Variants in TNKS1BP1 observed in about 807,000 individuals in gnomAD.
The protein encoded by TNKS1BP1 is 182 kDa tankyrase-1-binding protein.
A neutral mutation model predicts 141.1 loss-of-function variants in TNKS1BP1; 48 were observed. That is an observed-to-expected ratio of 0.34 (90% CI 0.27 to 0.43). The LOEUF (loss-of-function observed/expected upper bound fraction) is 0.43. TNKS1BP1 is among the 20% of genes least tolerant of loss of function. The probability of loss-of-function intolerance (pLI) is 1.00; values close to 1 mark genes in which losing one functional copy is unlikely to be tolerated. For synonymous variants in TNKS1BP1, 875 were observed against 898.2 expected, an observed-to-expected ratio of 0.97 and a Z score of 0.46; for missense variants, 2,149 against 2,226.0, an observed-to-expected ratio of 0.97 and a Z score of 0.70.
chr11:57,312,783 A>T lies in TNKS1BP1; in HGVS notation c.1905T>A (p.Ala635=), dbSNP rs746556744. 1.9e-6 allele frequency: 3 copies of T among 1,609,596 alleles called. No homozygotes were observed. The change falls in exon 5 of 12, where the codon GCT becomes GCA. Residue 635 remains alanine (A), a synonymous_variant. Coordinates refer to ENST00000358252, the MANE Select transcript of TNKS1BP1 (RefSeq NM_033396.3). ...GTGCCTGTCCAGGCTCAGGGGCATC[A>T]GCAAAGAGAACACAGGGCTGGTCAG... ...AAPDQPCVLF[A]DAPEPGQALP... is the part of the protein sequence containing the mutation.
chr11:57,321,093 C>G (rs918894314), intron 2 of TNKS1BP1, among the ~76,000 whole-genome samples: 6 of 152,014 alleles, frequency 3.9e-5, no homozygotes, highest in Admixed American at 3.3e-4. Flanking sequence ...AGCAGTCAGC[C>G]CCCCCATATT....
chr11:57,324,661 C>T (rs1161537983), intron 1 of TNKS1BP1, among the ~76,000 whole-genome samples, 179 bp downstream of exon 1: 2 of 151,822 alleles, frequency 1.3e-5, no homozygotes, highest in Admixed American at 1.3e-4. Context: ...GCGCCACCTT[C>T]CCCCGGGCCT....
chr11:57,303,311 C>A (rs34505638), intron 6 of TNKS1BP1: 5,462 of 153,854 alleles, frequency 0.036, 152 homozygotes, highest in Non-Finnish European at 0.047. Flanking sequence ...CGTTATGCCT[C>A]TTCATTCCCC....
intron 6 of TNKS1BP1, among the ~76,000 whole-genome samples, chr11:57,305,493 T>C (rs985336468): frequency 6.6e-6 from 1 of 152,060 alleles, no homozygotes; most frequent in African/African-American, 2.4e-5. Context: ...CCTCCACCAC[T>C]GCTCCAGAGG....
At chr11:57,306,285 C>CAAA (rs1554961714) in intron 6 of TNKS1BP1, among the ~76,000 whole-genome samples, 10 of 122,438 alleles carry the variant, frequency 8.2e-5, no homozygotes, top group Non-Finnish European at 1.1e-4. Flanking sequence ...GACTCCGTTT[C>CAAA]AAAAAAAAAA....
chr11:57,302,867 C>A lies in TNKS1BP1; in HGVS notation c.4317-42G>T. On this transcript the variant is annotated intron_variant, in intron 6 of 11. Transcript: ENST00000358252. The surrounding 1 kb of genome is among the most constrained non-coding windows in gnomAD (Gnocchi z 5.5). ...GAGAGAACGAGATCATCGTAAGGCC[C>A]CATCTCCCTGCCCTGAAGCCTACTT... The A allele has an allele frequency of 6.8e-7, 1 of 1,475,414 alleles. No homozygotes were observed. Among genetic ancestry groups the A allele is most frequent in the East Asian group, 2.3e-5 (1 of 42,906 alleles). 91.4% of individuals were successfully genotyped at this position (1,475,414 alleles called of 1,614,324 possible).
intron 3 of TNKS1BP1, among the ~76,000 whole-genome samples, chr11:57,318,980 T>G (rs1031594394): frequency 7.2e-5 from 11 of 151,854 alleles, no homozygotes; most frequent in Admixed American, 7.2e-4. Flanking sequence ...CCATCTCTAC[T>G]AAAAATACAA....
chr11:57,313,686 C>T lies in TNKS1BP1; in HGVS notation c.1002G>A (p.Val334=). Residue 334 remains valine, a synonymous_variant, in exon 5 of 12, where the codon GTG becomes GTA. Coordinates refer to ENST00000358252, the MANE Select transcript of TNKS1BP1 (RefSeq NM_033396.3). Reference sequence around the variant, plus strand: ...GGGCTGCACTTGGAGCTGATGGAGTCACAGCGGGGCAGGGAGAAGCCTGGG... The same window carrying T: ...GGGCTGCACTTGGAGCTGATGGAGTTACAGCGGGGCAGGGAGAAGCCTGGG... ...EASQASPCPA[V]TPSAPSAALP... is the part of the protein sequence containing the mutation. 3.2e-6 allele frequency: 5 copies of T among 1,573,606 alleles called. No homozygotes were observed. The highest frequency in any genetic ancestry group is 3.5e-6 in the Non-Finnish European group (4 of 1,159,140).
rs1052217287 is a variant in TNKS1BP1 at position 57,321,873 on chromosome 11, T to G, written c.13A>C (p.Thr5Pro). 1.2e-6 allele frequency: 2 copies of G among 1,613,052 alleles called. No homozygotes were observed. The highest frequency in any genetic ancestry group is 1.7e-6 in the Non-Finnish European group (2 of 1,179,836). MKVS[T>P]LRESSAMASP... ...GCCATGGCTGAGCTTTCCCTGAGAG[T>G]AGACACTTTCATCACATGCGGCAGA... The change falls in exon 2 of 12, where the codon ACT (threonine) becomes CCT (proline). Residue 5 changes from threonine (T) to proline (P), a missense_variant. Thr to Pro is a conservative substitution (Grantham distance 38). Transcript: ENST00000358252.
At chr11:57,306,016 G>A (rs1032976520) in intron 6 of TNKS1BP1, among the ~76,000 whole-genome samples, 1 of 151,816 alleles carries the variant, frequency 6.6e-6, no homozygotes, top group Non-Finnish European at 1.5e-5. Flanking sequence ...GCTCATGCCT[G>A]TAATCCCAGC....
intron 1 of TNKS1BP1, among the ~76,000 whole-genome samples, chr11:57,324,185 G>A (rs1248079024): frequency 1.3e-5 from 2 of 152,208 alleles, no homozygotes; most frequent in African/African-American, 4.8e-5. Flanking sequence ...TGGACCCCAG[G>A]ATCTCCAGCC....
Position 57,317,874 on chromosome 11 carries a change from C to T in TNKS1BP1, c.742G>A (p.Asp248Asn), listed in dbSNP as rs139478609. 3.2e-4 allele frequency: 516 copies of T among 1,613,708 alleles called. No individual in the cohort carries two copies. The highest frequency in any genetic ancestry group is 1.2e-4 in the Non-Finnish European group (140 of 1,179,822). Reference sequence around the variant, plus strand: ...GCCAGGTCCCCGTTGAAGGCCAGGTCGGAAGGAAGGCTCCTGTGAGGGACG... The same window carrying T: ...GCCAGGTCCCCGTTGAAGGCCAGGTTGGAAGGAAGGCTCCTGTGAGGGACG... ...KTPEERSLPS[D>N]LAFNGDLAKA... The change falls in exon 4 of 12, where the codon GAC (aspartate) becomes AAC (asparagine). Residue 248 changes from aspartate (D) to asparagine (N), a missense_variant. Asp to Asn is a conservative substitution (Grantham distance 23). Transcript: ENST00000358252.
intron 1 of TNKS1BP1, among the ~76,000 whole-genome samples, chr11:57,324,557 C>G (rs1278176322): frequency 6.7e-6 from 1 of 150,338 alleles, no homozygotes; most frequent in Non-Finnish European, 1.5e-5. Context: ...TCTGCCCGCC[C>G]CCGGCCCCGC....
At position 57,302,335 on chromosome 11, in the gene TNKS1BP1, A is replaced by G; in HGVS notation, c.4684-111T>C. On this transcript the variant is annotated intron_variant, in intron 7 of 11. Coordinates refer to ENST00000358252, the MANE Select transcript of TNKS1BP1 (RefSeq NM_033396.3). This position sits in a 1 kb window ranked among gnomAD's most constrained non-coding sequence, Gnocchi z 5.5. ...CTCCTGCAGCCGGAGCTTCACGTTC[A>G]CGTGACGCACCTACAACCCGCTTTC... 6 of 1,537,574 alleles carry G rather than the reference A, an allele frequency of 3.9e-6. No individual in the cohort carries two copies. The highest frequency in any genetic ancestry group is 5.3e-6 in the Non-Finnish European group (6 of 1,140,714).
intron 11 of TNKS1BP1, 97 bp from the exon 12 acceptor site, chr11:57,300,178 T>C: frequency 4.1e-6 from 1 of 241,010 alleles, no homozygotes; most frequent in East Asian, 9.9e-5. Context: ...CAGCTAAGCC[T>C]GGTCATGGAG....
At position 57,309,380 on chromosome 11, in the gene TNKS1BP1, G is replaced by A. The variant is rs771735369; in HGVS notation, c.3331C>T (p.Arg1111Trp). 7.4e-6 allele frequency: 12 copies of A among 1,614,000 alleles called. No individual in the cohort carries two copies. In the African/African-American group the frequency reaches 1.1e-4, roughly 14 times the overall value. Residue 1111 changes from arginine (R) to tryptophan (W), a missense_variant, in exon 6 of 12, where the codon CGG becomes TGG. Physicochemically the swap from Arg to Trp is moderately radical, Grantham distance 101. Coordinates refer to ENST00000358252, the MANE Select transcript of TNKS1BP1 (RefSeq NM_033396.3). This position sits in a 1 kb window ranked among gnomAD's most constrained non-coding sequence, Gnocchi z 4.3. ...AFSPGQQDWS[R>W]DFCIEASERS... ...TCACTGGCCTCGATGCAGAAGTCCC[G>A]GCTCCAGTCCTGCTGCCCTGGGCTA...
rs141111089 is a variant in TNKS1BP1, at chr11:57,320,967, C to T, written c.95-255G>A. On this transcript the variant is annotated intron_variant, in intron 2 of 11. Coordinates refer to ENST00000358252, the MANE Select transcript of TNKS1BP1 (RefSeq NM_033396.3). ...TTTTAAGCTGAAGCTATTTAAGGAC[C>T]CACCTGGCACCTTACTTCTTCCTGT... 1.9e-3 allele frequency among the ~76,000 whole-genome samples: 287 copies of T among 152,284 alleles called. 1 individual carries two copies. The highest frequency in any genetic ancestry group is 8.5e-3 in the South Asian group (41 of 4,820).
At chr11:57,320,879 A>G (rs80134947) in intron 2 of TNKS1BP1, among the ~76,000 whole-genome samples, 167 bp from the exon 3 acceptor site, 2,781 of 152,268 alleles carry the variant, frequency 0.018, 40 homozygotes, top group Non-Finnish European at 0.029. Flanking sequence ...TTGATTTTCT[A>G]CACACATCCC....
Position 57,310,024 on chromosome 11 carries a change from G to T in TNKS1BP1, c.2687C>A (p.Ala896Asp), listed in dbSNP as rs1855680253. ...WEFGKRDSLG[A>D]YASQDANEQG... ...CTCGTTGGCATCTTGGCTGGCATAA[G>T]CACCCAGAGAATCTCTCTTCCCAAA... The change falls in exon 6 of 12, where the codon GCT (alanine) becomes GAT (aspartate). Residue 896 changes from alanine (A) to aspartate (D), a missense_variant. Transcript: ENST00000358252. 2.5e-6 allele frequency: 4 copies of T among 1,614,120 alleles called. No individual in the cohort carries two copies. Among genetic ancestry groups the T allele is most frequent in the Non-Finnish European group, 3.4e-6 (4 of 1,180,006 alleles).
Sources: gnomAD v4.1 joint callset for allele counts (sites outside exome capture counted in the v4.1 genomes callset) on GRCh38, gnomAD v4.1.1 for gene constraint, Gnocchi (gnomAD v3.1) non-coding constraint, MANE v1.5 for transcripts, NCBI Gene and HGNC (gene_info 2026-07-23, HGNC 2026-07-21) for gene names.